The following CCSER1 variants were observed in gnomAD, a reference collection of about 807,000 sequenced individuals.
The protein encoded by CCSER1 is serine-rich coiled-coil domain-containing protein 1.
In CCSER1, 41 loss-of-function variants were observed where a neutral mutation model predicts 82.0. That is an observed-to-expected ratio of 0.50 (90% confidence interval 0.39 to 0.65). CCSER1 has a LOEUF of 0.65. Ranked by LOEUF, CCSER1 falls within the 30% of genes least tolerant of loss-of-function variation. The probability of loss-of-function intolerance (pLI) is 0.00; values close to 1 mark genes in which losing one functional copy is unlikely to be tolerated. For missense variants in CCSER1, 1,119 were observed against 1,064.2 expected, an observed-to-expected ratio of 1.05 and a Z score of -0.72; for synonymous variants, 414 against 383.9, an observed-to-expected ratio of 1.08 and a Z score of -0.92.
At position 91,193,501 on chromosome 4, in the gene CCSER1, C is replaced by T. The variant is rs150898610; in HGVS notation, c.2217+107507C>T. On this transcript the variant is annotated intron_variant, in intron 10 of 10. Transcript: ENST00000509176. ...CTCTGTTATAATCTTAGATAAATTA[C>T]GTAATCTCCTCATACTAAATATATT... Among the ~76,000 whole-genome samples, 27 of 152,178 alleles carry T rather than the reference C, an allele frequency of 1.8e-4. No individual in the cohort carries two copies. The East Asian group carries it at 2.7e-3, about 15-fold the overall frequency.
At chr4:90,414,706 G>A (rs1330868295) in intron 4 of CCSER1, among the ~76,000 whole-genome samples, 1 of 151,728 alleles carries the variant, frequency 6.6e-6, no homozygotes, top group African/African-American at 2.4e-5. Context: ...TTTTAAAAAG[G>A]GGTTTTAATG....
intron 3 of CCSER1, among the ~76,000 whole-genome samples, chr4:90,321,289 T>G (rs1737105061): frequency 6.6e-6 from 1 of 152,146 alleles, no homozygotes; most frequent in African/African-American, 2.4e-5. Flanking sequence ...TTTTAGCTCC[T>G]GTATATGAGT....
rs532740038 is a variant in CCSER1 at position 91,293,672 on chromosome 4, T to A, written c.2217+207678T>A. On this transcript the variant is annotated intron_variant, in intron 10 of 10. Transcript: ENST00000509176. Reference sequence around the variant, plus strand: ...TCTGTATGTCTTTTTAAAATTTTGTTTTCTGCAAGATGTTGTTTAAGTTAG... The same window carrying A: ...TCTGTATGTCTTTTTAAAATTTTGTATTCTGCAAGATGTTGTTTAAGTTAG... Among the ~76,000 whole-genome samples the A allele has an allele frequency of 1.1e-4, 17 of 152,084 alleles. 1 individual carries two copies. In the South Asian group the frequency reaches 3.5e-3, roughly 32 times the overall value.
chr4:90,773,011 C>A (rs979174263), intron 7 of CCSER1, among the ~76,000 whole-genome samples: 1 of 151,986 alleles, frequency 6.6e-6, no homozygotes, highest in Non-Finnish European at 1.5e-5. Flanking sequence ...GATGCCAAGG[C>A]GGGCGGATCA....
intron 10 of CCSER1, among the ~76,000 whole-genome samples, chr4:91,375,589 C>T (rs561771460): frequency 7.3e-5 from 11 of 150,954 alleles, no homozygotes. Context: ...AGCATTTCAA[C>T]TACAATGCTT....
At chr4:90,428,235 C>T (rs1304583480) in intron 4 of CCSER1, among the ~76,000 whole-genome samples, 1 of 151,782 alleles carries the variant, frequency 6.6e-6, no homozygotes, top group Non-Finnish European at 1.5e-5. Context: ...CTTTCCCTGA[C>T]CTTTCTCTTT....
At chr4:90,337,095 A>G (rs1375828885) in intron 3 of CCSER1, among the ~76,000 whole-genome samples, 1 of 152,210 alleles carries the variant, frequency 6.6e-6, no homozygotes, top group Non-Finnish European at 1.5e-5. Flanking sequence ...CTTCCCATGT[A>G]CCAGTTCTCT....
At chr4:91,120,016 A>G (rs1014066977) in intron 10 of CCSER1, among the ~76,000 whole-genome samples, 22 of 152,106 alleles carry the variant, frequency 1.4e-4, no homozygotes, top group African/African-American at 4.8e-4. Flanking sequence ...GACATGTACA[A>G]TTGAGTTATA....
At chr4:91,019,888 T>A (rs962515047) in intron 9 of CCSER1, among the ~76,000 whole-genome samples, 3 of 152,226 alleles carry the variant, frequency 2.0e-5, no homozygotes, top group Non-Finnish European at 4.4e-5. Context: ...CTTTTTAGAC[T>A]TGCTCTTCAG....
intron 10 of CCSER1, among the ~76,000 whole-genome samples, chr4:91,352,285 C>G (rs2149301339): frequency 6.6e-6 from 1 of 152,300 alleles, no homozygotes; most frequent in Non-Finnish European, 1.5e-5. Flanking sequence ...GGGTCTCACT[C>G]TGTCACCCAG....
chr4:90,770,423 T>G (rs1751898025), intron 7 of CCSER1, among the ~76,000 whole-genome samples: 1 of 152,208 alleles, frequency 6.6e-6, no homozygotes, highest in Non-Finnish European at 1.5e-5. Flanking sequence ...ATATAAATAT[T>G]AACATTTTGA....
At chr4:91,007,935 G>A (rs1245455874) in intron 9 of CCSER1, among the ~76,000 whole-genome samples, 2 of 151,768 alleles carry the variant, frequency 1.3e-5, no homozygotes, top group Admixed American at 6.6e-5. Context: ...TTGATATGTT[G>A]TATTTTCATT....
chr4:90,871,536 T>C lies in CCSER1; in HGVS notation c.2095-51834T>C, dbSNP rs116259842. 9.6e-3 allele frequency among the ~76,000 whole-genome samples: 1,455 copies of C among 152,016 alleles called. 25 individuals carry two copies. Among genetic ancestry groups the C allele is most frequent in the African/African-American group, 0.033 (1,388 of 41,542 alleles). ...CATTGTAGTTAGAAAGGATAATTGA[T>C]ATTATTTCAAATTTTTTTGTTTTTG... On this transcript the variant is annotated intron_variant, in intron 8 of 10. Coordinates refer to ENST00000509176, the MANE Select transcript of CCSER1 (RefSeq NM_001145065.2).
intron 1 of CCSER1, among the ~76,000 whole-genome samples, chr4:90,287,392 C>A (rs923190804): frequency 6.6e-6 from 1 of 151,704 alleles, no homozygotes; most frequent in Non-Finnish European, 1.5e-5. Context: ...TGTGGTAACT[C>A]CTTTTAAGAA....
chr4:90,227,860 C>G (rs1170552034), intron 1 of CCSER1, among the ~76,000 whole-genome samples: 1 of 152,222 alleles, frequency 6.6e-6, no homozygotes, highest in Non-Finnish European at 1.5e-5. Context: ...AAAGGGGTGA[C>G]AGATGGCACC....
intron 3 of CCSER1, among the ~76,000 whole-genome samples, chr4:90,326,216 G>A (rs1271567591): frequency 1.3e-5 from 2 of 151,650 alleles, no homozygotes; most frequent in African/African-American, 4.8e-5. Flanking sequence ...CTGCCACCAC[G>A]CCCGGCTAAT....
At chr4:90,390,556 T>C (rs1750832442) in intron 3 of CCSER1, among the ~76,000 whole-genome samples, 2 of 152,214 alleles carry the variant, frequency 1.3e-5, no homozygotes, top group Non-Finnish European at 1.5e-5. Context: ...TTTCTGTTCC[T>C]GATTTAAGTT....
chr4:90,249,823 T>C (rs1722069165), intron 1 of CCSER1, among the ~76,000 whole-genome samples: 1 of 152,084 alleles, frequency 6.6e-6, no homozygotes, highest in Non-Finnish European at 1.5e-5. Flanking sequence ...TGCCAACATG[T>C]TTTTCAACAC....
chr4:90,636,023 T>G lies in CCSER1; in HGVS notation c.1932+7791T>G, dbSNP rs546038192. 1.3e-3 allele frequency among the ~76,000 whole-genome samples: 194 copies of G among 151,910 alleles called. 4 individuals carry two copies. In the South Asian group the frequency reaches 0.04, roughly 31 times the overall value. On this transcript the variant is annotated intron_variant, in intron 6 of 10. Transcript: ENST00000509176. Reference sequence around the variant, plus strand: ...AAACAAATAATAAGCCCAAATTGATTCTTTGAAAAAGTTCAAAAAAAGGCT... The same window carrying G: ...AAACAAATAATAAGCCCAAATTGATGCTTTGAAAAAGTTCAAAAAAAGGCT...
Sources: allele counts gnomAD v4.1 joint callset (sites outside exome capture counted in the v4.1 genomes callset), GRCh38; gene constraint gnomAD v4.1.1; transcripts MANE v1.5; gene names NCBI Gene and HGNC (gene_info 2026-07-23, HGNC 2026-07-21).